MARCHF4: variants seen among roughly 807,000 people sequenced by gnomAD.
MARCHF4 encodes the protein E3 ubiquitin-protein ligase MARCHF4.
Under a neutral mutation model 43.9 loss-of-function variants are expected in MARCHF4, and 14 were observed. The observed-to-expected ratio is 0.32, with a 90% CI of 0.21 to 0.50. The LOEUF (loss-of-function observed/expected upper bound fraction) is 0.50, where lower values mean the gene tolerates loss of function less well. MARCHF4 is among the 20% of genes least tolerant of loss of function. The probability of loss-of-function intolerance (pLI) is 0.98; values close to 1 mark genes in which losing one functional copy is unlikely to be tolerated. For missense variants in MARCHF4, 468 were observed against 536.7 expected, an observed-to-expected ratio of 0.87 and a Z score of 1.27; for synonymous variants, 226 against 213.3, an observed-to-expected ratio of 1.06 and a Z score of -0.52.
At chr2:216,318,772 A>C (rs1691826313) in intron 1 of MARCHF4, among the ~76,000 whole-genome samples, 1 of 152,120 alleles carries the variant, frequency 6.6e-6, no homozygotes, top group African/African-American at 2.4e-5. Flanking sequence ...AACACACAGA[A>C]AGCGCTTACA....
chr2:216,357,527 C>T (rs1020545044), intron 1 of MARCHF4, among the ~76,000 whole-genome samples: 1 of 152,174 alleles, frequency 6.6e-6, no homozygotes, highest in Non-Finnish European at 1.5e-5. Flanking sequence ...CACTATACTG[C>T]CTAGTCTGGT....
intron 3 of MARCHF4, among the ~76,000 whole-genome samples, chr2:216,268,002 C>T (rs755065511): frequency 4.6e-5 from 7 of 152,178 alleles, no homozygotes; most frequent in African/African-American, 7.2e-5. Context: ...GGAGTTAACA[C>T]GGAATCTAGA....
intron 1 of MARCHF4, among the ~76,000 whole-genome samples, chr2:216,322,602 A>G (rs7591641): frequency 0.37 from 56,487 of 151,944 alleles, 10,979 homozygotes; most frequent in East Asian, 0.54. Context: ...CAGGCGGATC[A>G]CCTGAGATCA....
At chr2:216,322,895 T>C (rs1691924371) in intron 1 of MARCHF4, among the ~76,000 whole-genome samples, 1 of 152,204 alleles carries the variant, frequency 6.6e-6, no homozygotes, top group Admixed American at 6.5e-5. Context: ...TTGTTGAACA[T>C]GGAAACATTA....
chr2:216,285,138 G>C (rs528455955), intron 1 of MARCHF4, among the ~76,000 whole-genome samples: 1 of 152,258 alleles, frequency 6.6e-6, no homozygotes, highest in African/African-American at 2.4e-5. Context: ...GTTTGAATAA[G>C]TACATGAAAA....
chr2:216,294,769 C>T (rs552403934), intron 1 of MARCHF4, among the ~76,000 whole-genome samples: 1 of 152,216 alleles, frequency 6.6e-6, no homozygotes, highest in Non-Finnish European at 1.5e-5. Flanking sequence ...ACCAGATACT[C>T]TTCAGCAAAC....
chr2:216,277,772 G>A lies in MARCHF4; in HGVS notation c.765C>T (p.Leu255=). The change falls in exon 3 of 4, where the codon CTC becomes CTT. Residue 255 remains leucine (L), a synonymous_variant. Transcript: ENST00000273067. ...CCGAGGGGCTGAAAGTTGACCAGAT[G>A]AGCCAAGAAATACTGGCGATGAGGA... ...SLFLIASISW[L]IWSTFSPSAR... The A allele has an allele frequency of 1.2e-6, 2 of 1,614,216 alleles. No homozygotes were observed. The highest frequency in any genetic ancestry group is 1.7e-6 in the Non-Finnish European group (2 of 1,180,030).
intron 1 of MARCHF4, among the ~76,000 whole-genome samples, chr2:216,317,157 T>C (rs563875174): frequency 4.9e-4 from 74 of 152,306 alleles, no homozygotes; most frequent in African/African-American, 1.8e-3. Flanking sequence ...GGCGTCTTTA[T>C]AGAGGACCTG....
At chr2:216,354,091 C>G (rs1692444451) in intron 1 of MARCHF4, among the ~76,000 whole-genome samples, 1 of 152,176 alleles carries the variant, frequency 6.6e-6, no homozygotes, top group Non-Finnish European at 1.5e-5. Flanking sequence ...GCTGCTATTA[C>G]AGAAAGGTCA....
At chr2:216,362,023 T>C (rs1009341917) in intron 1 of MARCHF4, among the ~76,000 whole-genome samples, 1 of 152,200 alleles carries the variant, frequency 6.6e-6, no homozygotes, top group Admixed American at 6.5e-5. Context: ...TTAAATAAGT[T>C]GCCCAAGACC....
intron 3 of MARCHF4, among the ~76,000 whole-genome samples, chr2:216,259,997 T>G (rs1052059568): frequency 2.6e-5 from 4 of 152,194 alleles, no homozygotes; most frequent in African/African-American, 9.7e-5. Context: ...TTTTCCTCCC[T>G]CTATTATGTA....
intron 3 of MARCHF4, among the ~76,000 whole-genome samples, chr2:216,263,406 G>A (rs1690774971): frequency 6.6e-6 from 1 of 151,044 alleles, no homozygotes; most frequent in African/African-American, 2.4e-5. Context: ...CAGCCTGGGT[G>A]CCAAAATCAG....
At chr2:216,277,906 C>T in intron 2 of MARCHF4, 42 bp from the exon 3 acceptor site, 1 of 1,548,212 alleles carries the variant, frequency 6.5e-7, no homozygotes, top group Non-Finnish European at 8.8e-7. Flanking sequence ...GCTTGGATGC[C>T]CTTATCCCAT....
At chr2:216,276,288 A>G (rs1691020384) in intron 3 of MARCHF4, among the ~76,000 whole-genome samples, 1 of 152,218 alleles carries the variant, frequency 6.6e-6, no homozygotes. Context: ...TTTGGCATCA[A>G]TAATCCAGGG....
intron 1 of MARCHF4, among the ~76,000 whole-genome samples, chr2:216,361,609 A>G (rs948223101): frequency 6.6e-6 from 1 of 152,198 alleles, no homozygotes; most frequent in Non-Finnish European, 1.5e-5. Context: ...GATAAAGACA[A>G]CTATGTTGGG....
chr2:216,287,057 A>C (rs1244080929), intron 1 of MARCHF4, among the ~76,000 whole-genome samples: 1 of 152,130 alleles, frequency 6.6e-6, no homozygotes, highest in African/African-American at 2.4e-5. Flanking sequence ...TCCACCTTCC[A>C]TCCTCTGGAT....
At chr2:216,316,344 G>T (rs902138327) in intron 1 of MARCHF4, among the ~76,000 whole-genome samples, 1 of 152,136 alleles carries the variant, frequency 6.6e-6, no homozygotes, top group Non-Finnish European at 1.5e-5. Context: ...GCCTGCTCAC[G>T]CCCCTTTCTA....
chr2:216,309,813 C>T (rs535138664), intron 1 of MARCHF4, among the ~76,000 whole-genome samples: 8 of 152,292 alleles, frequency 5.3e-5, no homozygotes, highest in South Asian at 2.1e-4. Context: ...TCCCTGTTTT[C>T]GTATAATTCC....
intron 1 of MARCHF4, among the ~76,000 whole-genome samples, chr2:216,293,708 A>T (rs1366287916): frequency 1.1e-5 from 1 of 88,138 alleles, no homozygotes; most frequent in Non-Finnish European, 3.3e-5. Context: ...TTTTACTGGT[A>T]TAAGACAAAT....
Sources: allele counts gnomAD v4.1 joint callset (sites outside exome capture counted in the v4.1 genomes callset), GRCh38; gene constraint gnomAD v4.1.1; transcripts MANE v1.5; gene names NCBI Gene and HGNC (gene_info 2026-07-23, HGNC 2026-07-21).